Variants in NKAIN2 observed in about 807,000 individuals in gnomAD.
NKAIN2 encodes sodium/potassium-transporting ATPase subunit beta-1-interacting protein 2.
NKAIN2 carries 14 observed loss-of-function variants against 32.6 expected under a neutral mutation model. The ratio of observed to expected loss-of-function variants is 0.43; its 90% CI spans 0.28 to 0.67. The LOEUF is 0.67. Ranked by LOEUF, NKAIN2 falls within the 30% of genes least tolerant of loss-of-function variation. The pLI is 0.17. For missense variants in NKAIN2, 198 were observed against 258.3 expected, an observed-to-expected ratio of 0.77 and a Z score of 1.60; for synonymous variants, 80 against 87.2, an observed-to-expected ratio of 0.92 and a Z score of 0.46.
chr6:124,335,731 A>T (rs961467724), intron 2 of NKAIN2, among the ~76,000 whole-genome samples: 2 of 152,138 alleles, frequency 1.3e-5, no homozygotes, highest in African/African-American at 4.8e-5. Context: ...TAATATTCTT[A>T]ACATTCTCTA....
intron 3 of NKAIN2, among the ~76,000 whole-genome samples, chr6:124,532,535 T>G (rs1372303825): frequency 6.6e-6 from 1 of 152,078 alleles, no homozygotes; most frequent in Non-Finnish European, 1.5e-5. Context: ...GACAGAGACC[T>G]TCAACCTCTT....
At chr6:124,197,839 T>G (rs966735406) in intron 1 of NKAIN2, among the ~76,000 whole-genome samples, 5 of 13,862 alleles carry the variant, frequency 3.6e-4, no homozygotes, top group South Asian at 3.9e-3. Flanking sequence ...TGTGTCTGGT[T>G]TTTTTTTTTT....
intron 1 of NKAIN2, among the ~76,000 whole-genome samples, chr6:124,164,912 T>C (rs1249219293): frequency 6.6e-6 from 1 of 152,120 alleles, no homozygotes; most frequent in Non-Finnish European, 1.5e-5. Flanking sequence ...GAACAAATCA[T>C]GGTACATTTG....
In NKAIN2 at chr6:124,474,281, T is replaced by C. The variant is rs1247887754; in HGVS notation, c.273+118934T>C. ...TTCCCCTTTGTAAGTGACATTAAGT[T>C]TTTTATCACAAAGAAGGAAAAGGAA... On this transcript the variant is annotated intron_variant, in intron 3 of 6. Transcript: ENST00000368417. Among the ~76,000 whole-genome samples the C allele has an allele frequency of 2.0e-5, 3 of 152,102 alleles. No homozygotes were observed. The East Asian group carries it at 5.8e-4, about 29-fold the overall frequency.
chr6:124,624,825 G>C (rs1783244011), intron 3 of NKAIN2, among the ~76,000 whole-genome samples: 1 of 152,058 alleles, frequency 6.6e-6, no homozygotes, highest in African/African-American at 2.4e-5. Flanking sequence ...GTTTGAATCT[G>C]AAAAATATCG....
chr6:124,044,512 T>C (rs1047516148), intron 1 of NKAIN2, among the ~76,000 whole-genome samples: 4 of 152,034 alleles, frequency 2.6e-5, no homozygotes, highest in East Asian at 3.9e-4. Context: ...CATATAGAAC[T>C]GTGGAGGGAC....
chr6:123,835,696 C>A (rs780063311), intron 1 of NKAIN2, among the ~76,000 whole-genome samples: 1 of 152,120 alleles, frequency 6.6e-6, no homozygotes, highest in Non-Finnish European at 1.5e-5. Context: ...AATGTATGCA[C>A]CTCTTCTCTT....
At chr6:124,028,812 C>CGT (rs201959983) in intron 1 of NKAIN2, among the ~76,000 whole-genome samples, 12 of 139,412 alleles carry the variant, frequency 8.6e-5, no homozygotes, top group African/African-American at 2.6e-4. Flanking sequence ...CGTATATATA[C>CGT]GTATATGTGT....
intron 4 of NKAIN2, among the ~76,000 whole-genome samples, chr6:124,712,111 C>A (rs1267265516): frequency 6.6e-6 from 1 of 151,522 alleles, no homozygotes; most frequent in African/African-American, 2.4e-5. Context: ...CTGGGGGGTG[C>A]CTCCCAGTTA....
chr6:124,349,770 G>A (rs1798624218), intron 2 of NKAIN2, among the ~76,000 whole-genome samples: 1 of 152,154 alleles, frequency 6.6e-6, no homozygotes, highest in Admixed American at 6.5e-5. Context: ...ATGATTAACA[G>A]CCTTAACTAA....
intron 4 of NKAIN2, among the ~76,000 whole-genome samples, chr6:124,715,961 G>C (rs918294706): frequency 6.6e-6 from 1 of 152,128 alleles, no homozygotes. Context: ...TCAAAGTAAA[G>C]CCCCGTGTTT....
At position 123,804,087 on chromosome 6, in the gene NKAIN2, C is replaced by T. The variant is rs1269402410; in HGVS notation, c.-114C>T. ...CGCTGGCAGCAGCAGCAGCCCGGAG[C>T]CCCCGAGCCCTCGGCAGGTTTGCGT... On this transcript the variant is annotated 5_prime_UTR_variant, in exon 1 of 7. Coordinates refer to ENST00000368417, the MANE Select transcript of NKAIN2 (RefSeq NM_001040214.3). 8 of 929,756 alleles carry T rather than the reference C, an allele frequency of 8.6e-6. No homozygotes were observed. Among genetic ancestry groups the T allele is most frequent in the Non-Finnish European group, 1.4e-5 (8 of 559,716 alleles). 57.6% of individuals were successfully genotyped at this position (929,756 alleles called of 1,614,324 possible).
At chr6:124,634,174 A>G (rs1478532046) in intron 3 of NKAIN2, among the ~76,000 whole-genome samples, 2 of 152,188 alleles carry the variant, frequency 1.3e-5, no homozygotes, top group Non-Finnish European at 2.9e-5. Context: ...GCAGATATCA[A>G]TGTATAGACA....
chr6:123,886,306 A>G (rs1001073314), intron 1 of NKAIN2, among the ~76,000 whole-genome samples: 11 of 152,098 alleles, frequency 7.2e-5, no homozygotes, highest in African/African-American at 2.7e-4. Flanking sequence ...CTTTATAAGT[A>G]TATATTCATA....
At chr6:124,231,846 T>C (rs1005982581) in intron 1 of NKAIN2, among the ~76,000 whole-genome samples, 7 of 114,282 alleles carry the variant, frequency 6.1e-5, no homozygotes, top group African/African-American at 1.6e-4. Context: ...GATATATACT[T>C]CTTTATATAA....
chr6:124,454,408 T>C (rs899958528), intron 3 of NKAIN2, among the ~76,000 whole-genome samples: 1 of 152,068 alleles, frequency 6.6e-6, no homozygotes, highest in Non-Finnish European at 1.5e-5. Context: ...TTATTGCAAC[T>C]ACTAAATTTT....
At chr6:124,610,693 A>G (rs1782657198) in intron 3 of NKAIN2, among the ~76,000 whole-genome samples, 1 of 152,140 alleles carries the variant, frequency 6.6e-6, no homozygotes, top group Non-Finnish European at 1.5e-5. Flanking sequence ...ATCTTGCCCC[A>G]TCTGGATTCA....
rs1304927782 is a variant in NKAIN2, at chr6:124,146,892, G to GA, written c.55-136109dup. Among the ~76,000 whole-genome samples, 92 of 152,170 alleles carry GA rather than the reference G, an allele frequency of 6.0e-4. 2 individuals are homozygous for GA. Among genetic ancestry groups the GA allele is most frequent in the Non-Finnish European group, 1.1e-3 (77 of 68,020 alleles). ...ATAAAATTCAGGAATATGTTTCAGA[G>GA]AAAAGAAAGTAATGCTATTGGGGAG... On this transcript the variant is annotated intron_variant, in intron 1 of 6. Transcript: ENST00000368417.
At chr6:124,245,223 A>T (rs528241500) in intron 1 of NKAIN2, among the ~76,000 whole-genome samples, 1 of 152,052 alleles carries the variant, frequency 6.6e-6, no homozygotes, top group South Asian at 2.1e-4. Flanking sequence ...CATTTAATCC[A>T]TCTGGTTTAT....
Sources: gnomAD v4.1 joint callset for allele counts (sites outside exome capture counted in the v4.1 genomes callset) on GRCh38, gnomAD v4.1.1 for gene constraint, MANE v1.5 for transcripts, NCBI Gene and HGNC (gene_info 2026-07-23, HGNC 2026-07-21) for gene names.